Variants in FAM168A observed in about 807,000 individuals in gnomAD.
FAM168A encodes the protein family with sequence similarity 168 member A, also known as protein FAM168A.
Under a neutral mutation model 28.5 loss-of-function variants are expected in FAM168A, and 3 were observed. That is an observed-to-expected ratio of 0.11 (90% CI 0.05 to 0.27). The LOEUF (loss-of-function observed/expected upper bound fraction) is 0.27, where lower values mean the gene tolerates loss of function less well. Ranked by LOEUF, FAM168A falls within the 10% of genes least tolerant of loss-of-function variation. FAM168A has a pLI of 1.00. For synonymous variants in FAM168A, 122 were observed against 124.2 expected (o/e 0.98, Z 0.12); for missense variants, 222 against 311.5 (o/e 0.71, Z 2.16).
At chr11:73,552,568 GTTTC>G (rs1345639775) in intron 1 of FAM168A, among the ~76,000 whole-genome samples, 2 of 152,188 alleles carry the variant, frequency 1.3e-5, no homozygotes, top group Admixed American at 6.5e-5. Flanking sequence ...GTGAACTACA[GTTTC>G]TTTATTTGCT....
chr11:73,537,330 G>C (rs1943595494), intron 1 of FAM168A, among the ~76,000 whole-genome samples: 1 of 152,172 alleles, frequency 6.6e-6, no homozygotes, highest in Non-Finnish European at 1.5e-5. Flanking sequence ...GGAGGCCGAG[G>C]CTGGCAGTTC....
At chr11:73,529,090 G>A (rs928577590) in intron 1 of FAM168A, among the ~76,000 whole-genome samples, 7 of 152,158 alleles carry the variant, frequency 4.6e-5, no homozygotes, top group Admixed American at 2.0e-4. Context: ...TTAAAAGGTC[G>A]ATTATTACCA....
chr11:73,478,124 T>C (rs933656224), intron 1 of FAM168A, among the ~76,000 whole-genome samples: 2 of 152,176 alleles, frequency 1.3e-5, no homozygotes, highest in Non-Finnish European at 2.9e-5. Flanking sequence ...TGCTGCCATA[T>C]TGGAGCAACA....
At chr11:73,431,613 C>T (rs773089402) in intron 2 of FAM168A, among the ~76,000 whole-genome samples, 5 of 152,114 alleles carry the variant, frequency 3.3e-5, no homozygotes, top group South Asian at 4.1e-4. Flanking sequence ...GGCATAAATG[C>T]TTCCACTATG....
At chr11:73,428,660 G>T (rs184296637) in intron 3 of FAM168A, among the ~76,000 whole-genome samples, 53 of 152,292 alleles carry the variant, frequency 3.5e-4, no homozygotes, top group African/African-American at 1.2e-3. Context: ...TTGTAGTTAA[G>T]ATAGAACTTA....
intron 4 of FAM168A, among the ~76,000 whole-genome samples, chr11:73,417,616 A>G (rs781229160): frequency 4.8e-5 from 7 of 146,192 alleles, no homozygotes; most frequent in East Asian, 2.0e-4. Flanking sequence ...CTGTAGTGCA[A>G]TGGCGCAATC....
At chr11:73,447,348 AG>A (rs1867336206) in intron 2 of FAM168A, among the ~76,000 whole-genome samples, 1 of 152,044 alleles carries the variant, frequency 6.6e-6, no homozygotes, top group South Asian at 2.1e-4. Flanking sequence ...CAGGAATTTA[AG>A]ACCAATCTGG....
intron 5 of FAM168A, 126 bp from the exon 6 acceptor site, chr11:73,409,787 CTG>C (rs1866576250): frequency 2.1e-5 from 20 of 954,914 alleles, no homozygotes; most frequent in Middle Eastern, 3.4e-4. Context: ...TACTATGTGA[CTG>C]TGGTCAGTGC....
At chr11:73,593,277 T>C (rs1485889590) in intron 1 of FAM168A, among the ~76,000 whole-genome samples, 5 of 152,192 alleles carry the variant, frequency 3.3e-5, no homozygotes, top group African/African-American at 1.2e-4. Flanking sequence ...GGGTAGCAAG[T>C]AGAAAAGCCT....
intron 1 of FAM168A, among the ~76,000 whole-genome samples, chr11:73,582,598 TAAGTC>T (rs1296263366): frequency 9.9e-5 from 15 of 151,552 alleles, no homozygotes; most frequent in Admixed American, 6.6e-5. Context: ...ATCAAATAGT[TAAGTC>T]AAGTCTTATA....
At chr11:73,554,834 C>T (rs1943871051) in intron 1 of FAM168A, among the ~76,000 whole-genome samples, 1 of 152,150 alleles carries the variant, frequency 6.6e-6, no homozygotes, top group Non-Finnish European at 1.5e-5. Context: ...CTGTCATCAG[C>T]AAAGCCAAGT....
intron 1 of FAM168A, among the ~76,000 whole-genome samples, chr11:73,520,284 G>A (rs949557746): frequency 8.6e-5 from 13 of 151,754 alleles, no homozygotes; most frequent in African/African-American, 2.9e-4. Flanking sequence ...TCCTGACCTC[G>A]TGATCCACCC....
At chr11:73,563,778 C>G (rs1943986229) in intron 1 of FAM168A, among the ~76,000 whole-genome samples, 1 of 152,174 alleles carries the variant, frequency 6.6e-6, no homozygotes. Context: ...CAATCATTTA[C>G]CCAATTAACA....
chr11:73,481,711 T>C (rs1867969546), intron 1 of FAM168A, among the ~76,000 whole-genome samples: 2 of 152,212 alleles, frequency 1.3e-5, no homozygotes, highest in East Asian at 3.8e-4. Flanking sequence ...AACTGCCATA[T>C]TACCTATCAC....
intron 4 of FAM168A, among the ~76,000 whole-genome samples, chr11:73,419,057 A>G (rs1012152449): frequency 6.6e-6 from 1 of 151,998 alleles, no homozygotes; most frequent in African/African-American, 2.4e-5. Flanking sequence ...TGATCCGCCC[A>G]CCTTGGCCTC....
intron 2 of FAM168A, among the ~76,000 whole-genome samples, chr11:73,446,748 C>G (rs1025709264): frequency 1.3e-5 from 2 of 152,238 alleles, no homozygotes; most frequent in African/African-American, 4.8e-5. Flanking sequence ...CTCTGCATCT[C>G]AAATACAGCT....
intron 3 of FAM168A, 90 bp from the exon 4 acceptor site, chr11:73,420,089 A>G (rs1452049665): frequency 1.3e-6 from 2 of 1,509,462 alleles, no homozygotes; most frequent in Non-Finnish European, 1.8e-6. Context: ...TGTGCTGGAC[A>G]GAAACATACA....
At chr11:73,525,156 T>C (rs937352064) in intron 1 of FAM168A, among the ~76,000 whole-genome samples, 1 of 152,140 alleles carries the variant, frequency 6.6e-6, no homozygotes, top group African/African-American at 2.4e-5. Flanking sequence ...TTAGTTTCTG[T>C]CATTCATGCT....
chr11:73,517,684 C>G (rs1943323250), intron 1 of FAM168A, among the ~76,000 whole-genome samples: 1 of 152,130 alleles, frequency 6.6e-6, no homozygotes, highest in African/African-American at 2.4e-5. Flanking sequence ...GTCTTTTATA[C>G]TATACAACCT....
Sources: gnomAD v4.1 joint callset for allele counts (sites outside exome capture counted in the v4.1 genomes callset) on GRCh38, gnomAD v4.1.1 for gene constraint, MANE v1.5 for transcripts, NCBI Gene and HGNC (gene_info 2026-07-23, HGNC 2026-07-21) for gene names.